Variants in ELMOD2 observed in about 807,000 individuals in gnomAD.
ELMOD2 encodes the protein ELMO domain containing 2, also known as ELMO domain-containing protein 2.
Under a neutral mutation model 41.0 loss-of-function variants are expected in ELMOD2, and 28 were observed. The ratio of observed to expected loss-of-function variants is 0.68; its 90% CI spans 0.51 to 0.94. The LOEUF (loss-of-function observed/expected upper bound fraction) is 0.94, where lower values mean the gene tolerates loss of function less well. ELMOD2 is among the 40% of genes least tolerant of loss of function. The pLI is 0.00. For missense variants in ELMOD2, 333 were observed against 343.1 expected, an observed-to-expected ratio of 0.97 and a Z score of 0.23; for synonymous variants, 106 against 107.2, an observed-to-expected ratio of 0.99 and a Z score of 0.07.
At chr4:140,550,169 A>G (rs1735426315) in intron 8 of ELMOD2, 61 bp from the exon 9 acceptor site, 2 of 1,388,448 alleles carry the variant, frequency 1.4e-6, no homozygotes, top group African/African-American at 1.4e-5. Flanking sequence ...TGTAAAGATG[A>G]GACGGTTTGA....
intron 2 of ELMOD2, chr4:140,526,500 C>T (rs1028404862): frequency 2.0e-5 from 3 of 151,866 alleles, no homozygotes; most frequent in Admixed American, 6.6e-5. Context: ...CTGTGTTAAA[C>T]GGAAAATTGT....
intron 4 of ELMOD2, among the ~76,000 whole-genome samples, chr4:140,537,027 GA>G (rs984861045): frequency 6.6e-6 from 1 of 152,168 alleles, no homozygotes; most frequent in African/African-American, 2.4e-5. Flanking sequence ...TTAGGGAAGA[GA>G]AGCAGTTTTA....
intron 3 of ELMOD2, among the ~76,000 whole-genome samples, chr4:140,529,101 C>G (rs1734660033): frequency 6.6e-6 from 1 of 152,140 alleles, no homozygotes; most frequent in Non-Finnish European, 1.5e-5. Context: ...TATTAAAACA[C>G]AGATTATTGG....
At chr4:140,533,954 C>G (rs568614333) in intron 3 of ELMOD2, among the ~76,000 whole-genome samples, 1 of 151,876 alleles carries the variant, frequency 6.6e-6, no homozygotes, top group Admixed American at 6.6e-5. Context: ...ATGAAATAGA[C>G]GAACAACACT....
rs1457391535 is a variant in ELMOD2, at chr4:140,537,442, G to T, written c.300G>T (p.Leu100=). 1.2e-5 allele frequency: 18 copies of T among 1,555,616 alleles called. No homozygotes were observed. Among genetic ancestry groups the T allele is most frequent in the Non-Finnish European group, 1.6e-5 (18 of 1,157,542 alleles). ...SFKICMKMCL[L]QITGYKQLYL... is the part of the protein sequence containing the mutation. ...AAATATGCATGAAGATGTGCTTACTGCAGATAACTGGTTATAAACAGCTGT... is the reference window on the plus strand; with the variant it reads ...AAATATGCATGAAGATGTGCTTACTTCAGATAACTGGTTATAAACAGCTGT... Residue 100 remains leucine, a synonymous_variant, in exon 5 of 9, where the codon CTG becomes CTT. Coordinates refer to ENST00000323570, the MANE Select transcript of ELMOD2 (RefSeq NM_153702.4).
At chr4:140,531,476 AC>A (rs1349682738) in intron 3 of ELMOD2, among the ~76,000 whole-genome samples, 4 of 152,222 alleles carry the variant, frequency 2.6e-5, no homozygotes, top group African/African-American at 7.2e-5. Flanking sequence ...CACTGTACTT[AC>A]GCATATACAG....
intron 8 of ELMOD2, among the ~76,000 whole-genome samples, chr4:140,549,680 T>C (rs1369154600): frequency 1.1e-5 from 1 of 92,992 alleles, no homozygotes; most frequent in African/African-American, 4.1e-5. Context: ...AAGTACTACA[T>C]CTTTTTTTTT....
intron 8 of ELMOD2, among the ~76,000 whole-genome samples, chr4:140,549,782 C>T (rs1445803751): frequency 2.1e-5 from 3 of 142,460 alleles, no homozygotes; most frequent in Non-Finnish European, 3.0e-5. Flanking sequence ...ACCTCCTGGG[C>T]TCAAGTGATA....
At chr4:140,533,524 C>T (rs1734816423) in intron 3 of ELMOD2, among the ~76,000 whole-genome samples, 1 of 152,102 alleles carries the variant, frequency 6.6e-6, no homozygotes, top group African/African-American at 2.4e-5. Flanking sequence ...GGATGTTAGA[C>T]CTATGTTTAA....
intron 3 of ELMOD2, 165 bp downstream of exon 3, chr4:140,527,659 G>A: frequency 5.4e-6 from 3 of 558,652 alleles, no homozygotes; most frequent in Non-Finnish European, 9.4e-6. Flanking sequence ...CTCTATATAT[G>A]TGTTTTTCGT....
At chr4:140,549,061 C>G (rs1051201893) in intron 8 of ELMOD2, among the ~76,000 whole-genome samples, 5 of 152,014 alleles carry the variant, frequency 3.3e-5, no homozygotes, top group African/African-American at 1.2e-4. Flanking sequence ...GCTCCTCCCC[C>G]CACCATCCTA....
In ELMOD2 at chr4:140,525,493, TA is replaced by T. The variant is rs770780667; in HGVS notation, c.66del (p.Leu22PhefsTer4). The T allele has an allele frequency of 6.2e-7, 1 of 1,613,932 alleles. No individual in the cohort carries two copies. The highest frequency in any genetic ancestry group is 8.5e-7 in the Non-Finnish European group (1 of 1,179,968). Reference protein sequence around the residue: ...HFFRFWMKWLLRQMTGKCELQ... With the variant: ...HFFRFWMKWLXRQMTGKCELQ... The stretch of plus-strand genomic sequence containing the variant: ...TTTCGATTTTGGATGAAATGGCTAT[TA>T]CGACAGATGACTGGGAAGTGTGAAT... On this transcript the variant is annotated frameshift_variant, in exon 2 of 9. Transcript: ENST00000323570. LOFTEE classifies it high-confidence loss of function.
At chr4:140,530,751 A>T (rs1280023509) in intron 3 of ELMOD2, among the ~76,000 whole-genome samples, 1 of 152,204 alleles carries the variant, frequency 6.6e-6, no homozygotes, top group Non-Finnish European at 1.5e-5. Flanking sequence ...TAGCCTTATC[A>T]ATTTAAAAAT....
At chr4:140,524,393 G>T in intron 1 of ELMOD2, 113 bp downstream of exon 1, 1 of 167,074 alleles carries the variant, frequency 6.0e-6, no homozygotes, top group Non-Finnish European at 1.2e-5. Flanking sequence ...CGCCTGGGCC[G>T]GCGGGTCTTT....
intron 3 of ELMOD2, chr4:140,528,037 G>A (rs193068292): frequency 2.0e-5 from 3 of 152,482 alleles, no homozygotes; most frequent in Admixed American, 2.0e-4. Flanking sequence ...TATTCCATTT[G>A]TCTCATCTGG....
chr4:140,546,729 T>C (rs1393888789), intron 8 of ELMOD2, among the ~76,000 whole-genome samples: 2 of 152,084 alleles, frequency 1.3e-5, no homozygotes, highest in African/African-American at 4.8e-5. Context: ...GCAGTATTTT[T>C]CCCCTAAAGA....
At chr4:140,524,539 A>T in intron 1 of ELMOD2, 4 of 952,658 alleles carry the variant, frequency 4.2e-6, no homozygotes, top group Non-Finnish European at 5.0e-6. Flanking sequence ...TGTCCTAATG[A>T]GCGCGGACTA....
At chr4:140,535,652 A>G in intron 3 of ELMOD2, 81 bp from the exon 4 acceptor site, 1 of 1,282,668 alleles carries the variant, frequency 7.8e-7, no homozygotes, top group Non-Finnish European at 1.1e-6. Context: ...TCTACTTTGT[A>G]AGGTTGATTA....
intron 6 of ELMOD2, 143 bp from the exon 7 acceptor site, chr4:140,542,430 TC>T (rs1345185533): frequency 1.7e-6 from 1 of 577,530 alleles, no homozygotes; most frequent in African/African-American, 1.9e-5. Flanking sequence ...CATTTGTGAA[TC>T]ACTGAAGTGA....
Sources: gnomAD v4.1 joint callset for allele counts (sites outside exome capture counted in the v4.1 genomes callset) on GRCh38, gnomAD v4.1.1 for gene constraint, MANE v1.5 for transcripts, NCBI Gene and HGNC (gene_info 2026-07-23, HGNC 2026-07-21) for gene names.